ATG5: variants seen among roughly 807,000 people sequenced by gnomAD.
ATG5 encodes autophagy protein 5.
A neutral mutation model predicts 36.5 loss-of-function variants in ATG5; 14 were observed. The observed-to-expected ratio is 0.38, with a 90% CI of 0.25 to 0.60. The LOEUF (loss-of-function observed/expected upper bound fraction) is 0.60, where lower values mean the gene tolerates loss of function less well. Among genes scored for constraint, ATG5 ranks in the 20% least tolerant of loss-of-function variants. The pLI, the probability that ATG5 is intolerant of heterozygous loss-of-function variation, is 0.60. For missense variants in ATG5, 195 were observed against 326.7 expected (o/e 0.60, Z 3.11); for synonymous variants, 95 against 101.5 (o/e 0.94, Z 0.38).
rs541574546 is a variant in ATG5, at chr6:106,322,999, A to C, written c.-59+2527T>G. ...CAGTGGCGCAATCTCGGCTCTCTGC[A>C]AGCTCTGCCTCCCGGGTTCATGCCA... On this transcript the variant is annotated intron_variant, in intron 1 of 7. Coordinates refer to ENST00000369076, the MANE Select transcript of ATG5 (RefSeq NM_004849.4). 1.6e-3 allele frequency among the ~76,000 whole-genome samples: 243 copies of C among 151,806 alleles called. 2 individuals are homozygous for C. Among genetic ancestry groups the C allele is most frequent in the African/African-American group, 5.6e-3 (231 of 41,404 alleles).
chr6:106,263,880 A>G (rs1236301928), intron 5 of ATG5, among the ~76,000 whole-genome samples: 11 of 147,374 alleles, frequency 7.5e-5, no homozygotes. Context: ...CAAAGATGGA[A>G]AAAAAAAAAA....
In ATG5 at chr6:106,256,726, G is replaced by A. The variant is rs146075787; in HGVS notation, c.479-8482C>T. 4.1e-3 allele frequency among the ~76,000 whole-genome samples: 626 copies of A among 152,206 alleles called. 3 individuals carry two copies. Among genetic ancestry groups the A allele is most frequent in the Middle Eastern group, 0.037 (11 of 294 alleles). ...AATACCATATAAAATATTTTTAAAA[G>A]GCACCCCTGTATAGTGCACGTACCA... On this transcript the variant is annotated intron_variant, in intron 5 of 7. Transcript: ENST00000369076.
intron 1 of ATG5, among the ~76,000 whole-genome samples, chr6:106,317,704 A>AT (rs1770905815): frequency 6.6e-6 from 1 of 152,200 alleles, no homozygotes; most frequent in Non-Finnish European, 1.5e-5. Flanking sequence ...TTCCACACTG[A>AT]TAGGCTACAA....
At chr6:106,318,862 C>T (rs938625403) in intron 1 of ATG5, among the ~76,000 whole-genome samples, 3 of 152,188 alleles carry the variant, frequency 2.0e-5, no homozygotes, top group African/African-American at 4.8e-5. Context: ...CCAGTGAATA[C>T]ACTTAACTTT....
At chr6:106,255,927 C>CT (rs1778782554) in intron 5 of ATG5, among the ~76,000 whole-genome samples, 1 of 152,076 alleles carries the variant, frequency 6.6e-6, no homozygotes, top group Admixed American at 6.6e-5. Flanking sequence ...TGTTCTATTA[C>CT]TTTTTAAAAC....
chr6:106,234,748 G>A (rs1003222751), intron 6 of ATG5, among the ~76,000 whole-genome samples: 2 of 152,202 alleles, frequency 1.3e-5, no homozygotes, highest in African/African-American at 4.8e-5. Context: ...TATCGGAGCA[G>A]GAGTGCTAGG....
intron 7 of ATG5, among the ~76,000 whole-genome samples, chr6:106,190,023 C>A (rs1358015142): frequency 6.6e-6 from 1 of 152,044 alleles, no homozygotes; most frequent in Non-Finnish European, 1.5e-5. Flanking sequence ...TACATAACTA[C>A]AGTATAGTTA....
At chr6:106,291,500 C>T (rs79479722) in intron 4 of ATG5, among the ~76,000 whole-genome samples, 11,399 of 152,164 alleles carry the variant, frequency 0.075, 731 homozygotes, top group Admixed American at 0.22. Flanking sequence ...CCTGATGAAT[C>T]CATTGAAAGG....
At chr6:106,238,565 G>A (rs1777986661) in intron 6 of ATG5, among the ~76,000 whole-genome samples, 1 of 152,146 alleles carries the variant, frequency 6.6e-6, no homozygotes, top group African/African-American at 2.4e-5. Flanking sequence ...GAGAAAGCTA[G>A]AACCTCTACA....
intron 6 of ATG5, among the ~76,000 whole-genome samples, chr6:106,240,539 A>G (rs1260600367): frequency 1.3e-5 from 2 of 151,974 alleles, no homozygotes; most frequent in Non-Finnish European, 2.9e-5. Flanking sequence ...ATCTCTCTAT[A>G]CCCACAATAC....
intron 1 of ATG5, among the ~76,000 whole-genome samples, chr6:106,318,832 T>C (rs1770959506): frequency 6.6e-6 from 1 of 152,178 alleles, no homozygotes; most frequent in African/African-American, 2.4e-5. Flanking sequence ...CTATAATAAA[T>C]TATATAAGAA....
intron 1 of ATG5, among the ~76,000 whole-genome samples, chr6:106,323,417 G>C (rs1771173842): frequency 6.6e-6 from 1 of 151,314 alleles, no homozygotes; most frequent in South Asian, 2.1e-4. Flanking sequence ...CAGGACTACA[G>C]GCTCATGCCA....
rs146628496 is a variant in ATG5 at position 106,267,596 on chromosome 6, A to G, written c.478+12065T>C. ...GCTACCTGACTTCAAACTATATTAC[A>G]AGGCCACAGTAACCAAAACAGCATG... is the stretch of plus-strand genomic sequence containing the variant. On this transcript the variant is annotated intron_variant, in intron 5 of 7. Coordinates refer to ENST00000369076, the MANE Select transcript of ATG5 (RefSeq NM_004849.4). Among the ~76,000 whole-genome samples the G allele has an allele frequency of 8.5e-3, 1,302 of 152,348 alleles. 21 individuals are homozygous for G. The highest frequency in any genetic ancestry group is 0.03 in the African/African-American group (1,264 of 41,578).
chr6:106,310,777 T>G (rs1582685833), intron 2 of ATG5, among the ~76,000 whole-genome samples: 1 of 152,190 alleles, frequency 6.6e-6, no homozygotes, highest in Non-Finnish European at 1.5e-5. Flanking sequence ...TCTAGGTACC[T>G]TATTTAAGTG....
chr6:106,189,819 A>T (rs577574984), intron 7 of ATG5, among the ~76,000 whole-genome samples: 48 of 152,246 alleles, frequency 3.2e-4, no homozygotes, highest in African/African-American at 1.2e-3. Flanking sequence ...CTCAGGAGAA[A>T]AATGTTACTG....
chr6:106,316,039 A>G (rs1449461209), intron 2 of ATG5, 62 bp downstream of exon 2: 22 of 1,380,140 alleles, frequency 1.6e-5, no homozygotes, highest in Non-Finnish European at 2.1e-5. Context: ...AAGTTCTTAC[A>G]GCTTTTTCTT....
At chr6:106,230,083 T>C (rs911204851) in intron 6 of ATG5, among the ~76,000 whole-genome samples, 2 of 152,204 alleles carry the variant, frequency 1.3e-5, no homozygotes, top group African/African-American at 2.4e-5. Flanking sequence ...GGATGATAGA[T>C]GGTTCCTCCC....
rs1309606728 is a variant in ATG5 at position 106,263,876 on chromosome 6, T to TG, written c.479-15633dup. Among the ~76,000 whole-genome samples the TG allele has an allele frequency of 5.2e-5, 6 of 115,968 alleles. No homozygotes were observed. The East Asian group carries it at 6.8e-4, about 13-fold the overall frequency. 76.1% of individuals were successfully genotyped at this position (115,968 alleles called of 152,430 possible). A position where few individuals can be genotyped will look rare whatever the true frequency, so the allele number is the denominator to read the frequency against. On this transcript the variant is annotated intron_variant, in intron 5 of 7. Transcript: ENST00000369076. ...TCAAAGGTAGATAAATCCACAAAGA[T>TG]GGAAAAAAAAAAAAAAACAGCACAA...
intron 4 of ATG5, among the ~76,000 whole-genome samples, chr6:106,286,137 G>A (rs1780068877): frequency 1.3e-5 from 2 of 152,302 alleles, no homozygotes; most frequent in South Asian, 4.1e-4. Context: ...AGCACCCAGG[G>A]AGAACATACA....
Sources: allele counts gnomAD v4.1 joint callset (sites outside exome capture counted in the v4.1 genomes callset), GRCh38; gene constraint gnomAD v4.1.1; transcripts MANE v1.5; gene names NCBI Gene and HGNC (gene_info 2026-07-23, HGNC 2026-07-21).